The following TMTC2 variants were observed in gnomAD, a reference collection of about 807,000 sequenced individuals.
TMTC2 encodes protein O-mannosyl-transferase TMTC2.
In TMTC2, 43 loss-of-function variants were observed where a neutral mutation model predicts 82.4. That is an observed-to-expected ratio of 0.52 (90% CI 0.41 to 0.67). The LOEUF (loss-of-function observed/expected upper bound fraction) is 0.67, where lower values mean the gene tolerates loss of function less well. Among genes scored for constraint, TMTC2 ranks in the 30% least tolerant of loss-of-function variants. The probability of loss-of-function intolerance (pLI) is 0.00; values close to 1 mark genes in which losing one functional copy is unlikely to be tolerated. For synonymous variants in TMTC2, 408 were observed against 381.9 expected (o/e 1.07, Z -0.80); for missense variants, 919 against 1,012.4 (o/e 0.91, Z 1.25).
intron 4 of TMTC2, among the ~76,000 whole-genome samples, chr12:82,933,528 T>A (rs1474753385): frequency 6.6e-6 from 1 of 152,196 alleles, no homozygotes; most frequent in Admixed American, 6.5e-5. Context: ...AGGAAATTGC[T>A]TTGCTCAGTC....
chr12:82,869,313 T>C (rs925840254), intron 2 of TMTC2, among the ~76,000 whole-genome samples: 3 of 152,156 alleles, frequency 2.0e-5, no homozygotes, highest in African/African-American at 7.2e-5. Flanking sequence ...TGTTTGTTTT[T>C]AAGGACTTGA....
chr12:82,739,512 A>C (rs1014596546), intron 1 of TMTC2, among the ~76,000 whole-genome samples: 4 of 152,154 alleles, frequency 2.6e-5, no homozygotes, highest in Admixed American at 1.3e-4. Context: ...AACAAGGTAG[A>C]TGGAGTATGG....
chr12:83,077,337 C>A (rs1481896543), intron 11 of TMTC2, among the ~76,000 whole-genome samples: 1 of 152,098 alleles, frequency 6.6e-6, no homozygotes, highest in Non-Finnish European at 1.5e-5. Context: ...GGAACCCGAA[C>A]AAACAGACCT....
At chr12:82,687,754 T>A in intron 1 of TMTC2, 85 bp downstream of exon 1, 1 of 1,355,286 alleles carries the variant, frequency 7.4e-7, no homozygotes, top group Non-Finnish European at 1.0e-6. Context: ...AGGCTCAAAG[T>A]GCGTCTTGGA....
chr12:82,966,378 C>T (rs1004842152), intron 6 of TMTC2, among the ~76,000 whole-genome samples: 9 of 152,084 alleles, frequency 5.9e-5, no homozygotes, highest in African/African-American at 1.2e-4. Flanking sequence ...GCCCCTCTCT[C>T]CCCTTCAAAC....
chr12:82,727,814 T>C (rs7136531), intron 1 of TMTC2, among the ~76,000 whole-genome samples: 149,700 of 151,314 alleles, frequency 0.99, 74,069 homozygotes, highest in Middle Eastern at 1. Flanking sequence ...CTAGAAAGTA[T>C]TACCAATTGA....
chr12:82,747,957 A>C (rs1481350014), intron 1 of TMTC2, among the ~76,000 whole-genome samples: 1 of 152,340 alleles, frequency 6.6e-6, no homozygotes, highest in East Asian at 1.9e-4. Context: ...ACTGGTGTTA[A>C]GTATTAAGTT....
intron 1 of TMTC2, among the ~76,000 whole-genome samples, chr12:82,849,800 T>C (rs1216073087): frequency 6.6e-6 from 1 of 152,178 alleles, no homozygotes; most frequent in Non-Finnish European, 1.5e-5. Flanking sequence ...GCTTCAGGTA[T>C]GATTGGATCC....
chr12:83,039,978 A>T (rs996223290), intron 9 of TMTC2, among the ~76,000 whole-genome samples: 13 of 152,230 alleles, frequency 8.5e-5, no homozygotes, highest in African/African-American at 2.9e-4. Flanking sequence ...GCTTGGCATC[A>T]TGCTGGGCAC....
intron 7 of TMTC2, among the ~76,000 whole-genome samples, chr12:82,970,498 A>AT (rs371208600): frequency 3.5e-5 from 5 of 143,198 alleles, no homozygotes; most frequent in East Asian, 2.0e-4. Flanking sequence ...CGCCCGGCTA[A>AT]TTTTTTTTGT....
At chr12:83,077,087 C>T (rs947421561) in intron 11 of TMTC2, among the ~76,000 whole-genome samples, 12 of 152,086 alleles carry the variant, frequency 7.9e-5, no homozygotes, top group African/African-American at 2.9e-4. Context: ...AGATTAGGCT[C>T]AACTCTATAG....
chr12:82,947,228 C>A (rs943719683), intron 4 of TMTC2, among the ~76,000 whole-genome samples: 1 of 152,166 alleles, frequency 6.6e-6, no homozygotes, highest in Non-Finnish European at 1.5e-5. Flanking sequence ...AGAAAAAAAT[C>A]TCTAAATCTT....
At chr12:82,811,773 AT>A (rs1219241834) in intron 1 of TMTC2, among the ~76,000 whole-genome samples, 2 of 126,736 alleles carry the variant, frequency 1.6e-5, no homozygotes, top group Non-Finnish European at 3.5e-5. Context: ...TTTTTTTAAG[AT>A]TTATTTGAAG....
chr12:83,052,942 T>A (rs1882408322), intron 10 of TMTC2, among the ~76,000 whole-genome samples: 1 of 132,310 alleles, frequency 7.6e-6, no homozygotes, highest in Non-Finnish European at 1.7e-5. Flanking sequence ...CACAGCAGCC[T>A]GACTTTCTCC....
intron 7 of TMTC2, among the ~76,000 whole-genome samples, chr12:82,970,480 C>T (rs976505865): frequency 6.7e-6 from 1 of 148,394 alleles, no homozygotes; most frequent in African/African-American, 2.5e-5. Context: ...TACAGGCGCC[C>T]GCCACCGCGC....
intron 11 of TMTC2, among the ~76,000 whole-genome samples, chr12:83,076,750 A>T (rs542319080): frequency 2.0e-4 from 31 of 152,318 alleles, no homozygotes; most frequent in African/African-American, 7.0e-4. Flanking sequence ...AAAGTTGCTT[A>T]CATGTCTAAG....
chr12:82,827,809 C>T (rs973834540), intron 1 of TMTC2, among the ~76,000 whole-genome samples: 2 of 152,008 alleles, frequency 1.3e-5, no homozygotes, highest in Admixed American at 6.6e-5. Flanking sequence ...GTGATCCTCC[C>T]ACTTCAGCCT....
chr12:82,790,244 A>G (rs569519824), intron 1 of TMTC2, among the ~76,000 whole-genome samples: 8 of 150,898 alleles, frequency 5.3e-5, no homozygotes, highest in African/African-American at 1.5e-4. Context: ...TTGTGCTTTC[A>G]GATGCTGAGC....
intron 1 of TMTC2, among the ~76,000 whole-genome samples, chr12:82,836,142 AATAGCTT>A (rs1187600393): frequency 7.6e-6 from 1 of 131,148 alleles, no homozygotes; most frequent in East Asian, 2.0e-4. Context: ...TGGAGAATGG[AATAGCTT>A]GTATGCTTGT....
Sources: gnomAD v4.1 joint callset for allele counts (sites outside exome capture counted in the v4.1 genomes callset) on GRCh38, gnomAD v4.1.1 for gene constraint, MANE v1.5 for transcripts, NCBI Gene and HGNC (gene_info 2026-07-23, HGNC 2026-07-21) for gene names.